The following USP45 variants were observed in gnomAD, a reference collection of about 807,000 sequenced individuals.
USP45 encodes the protein ubiquitin specific peptidase 45.
In USP45, 89 loss-of-function variants were observed where a neutral mutation model predicts 95.8. The ratio of observed to expected loss-of-function variants is 0.93; its 90% CI spans 0.78 to 1.11. The LOEUF is 1.11. USP45 is among the 50% of genes least tolerant of loss of function. The pLI is 0.00. For missense variants in USP45, 898 were observed against 942.5 expected (o/e 0.95, Z 0.62); for synonymous variants, 281 against 316.2 (o/e 0.89, Z 1.18).
intron 1 of USP45, among the ~76,000 whole-genome samples, chr6:99,510,606 C>G (rs1295642538): frequency 6.6e-6 from 1 of 152,102 alleles, no homozygotes; most frequent in Non-Finnish European, 1.5e-5. Flanking sequence ...GGCTAGAAAG[C>G]TACCTTTGTA....
At position 99,446,367 on chromosome 6, in the gene USP45, A is replaced by T. The variant is rs1782559142; in HGVS notation, c.1405T>A (p.Ser469Thr). Residue 469 changes from serine (S) to threonine (T), a missense_variant, in exon 14 of 18, where the codon TCT becomes ACT. By Grantham distance (58) the Ser-to-Thr change is moderately conservative. Coordinates refer to ENST00000500704, the MANE Select transcript of USP45 (RefSeq NM_001346022.3). ...KNENLEMNGD[S>T]LMFASLMNSE... ...TTCATGAGGCTGGCAAACATTAAAG[A>T]ATCCCCATTCATTTCAAGGTTTTCA... The T allele has an allele frequency of 6.2e-7, 1 of 1,614,102 alleles. No homozygotes were observed. The highest frequency in any genetic ancestry group is 1.1e-5 in the South Asian group (1 of 91,082).
chr6:99,484,749 C>A lies in USP45; in HGVS notation c.715-1866G>T, dbSNP rs535950457. Among the ~76,000 whole-genome samples the A allele has an allele frequency of 2.2e-4, 34 of 151,332 alleles. No homozygotes were observed. In the East Asian group the frequency reaches 2.7e-3, roughly 12 times the overall value. On this transcript the variant is annotated intron_variant, in intron 7 of 17. Transcript: ENST00000500704. The stretch of plus-strand genomic sequence containing the variant: ...CAGGCTGCAATGAGCCATGATGGCA[C>A]CACTGCACCCCAGTGTGAGTGACAG...
chr6:99,493,112 C>A (rs781325555), intron 5 of USP45, among the ~76,000 whole-genome samples: 1 of 151,898 alleles, frequency 6.6e-6, no homozygotes, highest in Non-Finnish European at 1.5e-5. Context: ...CTGCAACCTC[C>A]GCTCCCTGGG....
chr6:99,448,218 A>C (rs1025599363), intron 13 of USP45, among the ~76,000 whole-genome samples: 1 of 152,242 alleles, frequency 6.6e-6, no homozygotes, highest in Non-Finnish European at 1.5e-5. Context: ...TGAGAGAAGA[A>C]GGCTTCAGAT....
At chr6:99,442,453 C>T (rs188753045) in intron 15 of USP45, among the ~76,000 whole-genome samples, 5 of 152,276 alleles carry the variant, frequency 3.3e-5, no homozygotes, top group Non-Finnish European at 4.4e-5. Context: ...TGGATCCCAC[C>T]TAAAATGTTG....
Position 99,456,813 on chromosome 6 carries a change from T to C in USP45, c.1308+7791A>G, listed in dbSNP as rs549359434. On this transcript the variant is annotated intron_variant, in intron 13 of 17. Coordinates refer to ENST00000500704, the MANE Select transcript of USP45 (RefSeq NM_001346022.3). ...AGAATAACAGCAATTGTTCAGGGAA[T>C]AGGAGAGATAACCTTAAACTCTGAC... Among the ~76,000 whole-genome samples the C allele has an allele frequency of 1.6e-4, 22 of 136,310 alleles. 1 individual carries two copies. In the South Asian group the frequency reaches 4.6e-3, roughly 28 times the overall value. The allele number at this position is 136,310 out of a possible 152,430, so 89.4% of individuals were successfully genotyped here.
At chr6:99,496,423 G>A (rs1583388003) in intron 5 of USP45, among the ~76,000 whole-genome samples, 1 of 151,580 alleles carries the variant, frequency 6.6e-6, no homozygotes, top group Admixed American at 6.6e-5. Context: ...AAAAGATACA[G>A]CAAACTCATA....
At chr6:99,439,005 A>G (rs956469646) in intron 16 of USP45, among the ~76,000 whole-genome samples, 3 of 152,366 alleles carry the variant, frequency 2.0e-5, no homozygotes, top group Admixed American at 1.3e-4. Flanking sequence ...AATACTGAGT[A>G]TTAACAATTG....
chr6:99,494,860 C>T (rs1219318620), intron 5 of USP45, among the ~76,000 whole-genome samples: 2 of 152,138 alleles, frequency 1.3e-5, no homozygotes, highest in Non-Finnish European at 2.9e-5. Context: ...TGCCACTGCA[C>T]TCCAGACTAG....
chr6:99,459,575 C>T (rs971919983), intron 13 of USP45, among the ~76,000 whole-genome samples: 5 of 152,140 alleles, frequency 3.3e-5, no homozygotes, highest in South Asian at 4.1e-4. Flanking sequence ...CTTTCTGCAA[C>T]GGTTGAACTA....
chr6:99,462,313 T>C, intron 13 of USP45: 1 of 985,200 alleles, frequency 1.0e-6, no homozygotes, highest in South Asian at 4.7e-5. Context: ...TATATGCATA[T>C]TCTCAGTTCC....
chr6:99,469,295 A>T (rs1788716545), intron 9 of USP45, among the ~76,000 whole-genome samples: 1 of 151,802 alleles, frequency 6.6e-6, no homozygotes, highest in Admixed American at 6.6e-5. Context: ...CTCACAGAAA[A>T]GTTTCAGAAT....
At chr6:99,503,911 A>C in intron 4 of USP45, 46 bp from the exon 5 acceptor site, 6 of 1,346,074 alleles carry the variant, frequency 4.5e-6, no homozygotes, top group Non-Finnish European at 6.1e-6. Context: ...AATATTCTCA[A>C]TAATTTTGCA....
chr6:99,464,080 G>C (rs1787264941), intron 13 of USP45, among the ~76,000 whole-genome samples: 1 of 151,972 alleles, frequency 6.6e-6, no homozygotes, highest in South Asian at 2.1e-4. Context: ...GCCGAGGCGG[G>C]CAGATCACCT....
At chr6:99,436,184 T>C (rs1780447815) in intron 17 of USP45, among the ~76,000 whole-genome samples, 1 of 151,766 alleles carries the variant, frequency 6.6e-6, no homozygotes, top group South Asian at 2.1e-4. Flanking sequence ...CAGTGTGTGA[T>C]GTTCCCCTCC....
In USP45 at chr6:99,437,279, A is replaced by T. The variant is rs1413891699; in HGVS notation, c.2281T>A (p.Ser761Thr). ...VKVRTPSRKL[S>T]EHNTKKKNVP... is the part of the protein sequence containing the mutation. ...TTTTTCTTTTTAGTGTTATGTTCCG[A>T]TAATTTCCTGGAGGGTGTTCTCACT... The change falls in exon 17 of 18, where the codon TCG becomes ACG. Residue 761 changes from serine to threonine, a missense_variant. Physicochemically the swap from Ser to Thr is moderately conservative, Grantham distance 58. Coordinates refer to ENST00000500704, the MANE Select transcript of USP45 (RefSeq NM_001346022.3). The T allele has an allele frequency of 7.4e-6, 12 of 1,611,258 alleles. No individual in the cohort carries two copies. Among genetic ancestry groups the T allele is most frequent in the Admixed American group, 1.7e-5 (1 of 59,258 alleles).
chr6:99,508,865 A>C, intron 2 of USP45, 83 bp from the exon 3 acceptor site: 1 of 1,242,012 alleles, frequency 8.1e-7, no homozygotes, highest in Non-Finnish European at 1.1e-6. Flanking sequence ...AAAAGTATTA[A>C]ATGCTGTTAA....
chr6:99,451,379 A>T (rs188422447), intron 13 of USP45, among the ~76,000 whole-genome samples: 54 of 152,330 alleles, frequency 3.5e-4, no homozygotes, highest in African/African-American at 1.2e-3. Context: ...AAGCATTCTT[A>T]TACACCAATA....
chr6:99,485,600 C>T (rs1038282264), intron 7 of USP45, among the ~76,000 whole-genome samples: 3 of 152,084 alleles, frequency 2.0e-5, no homozygotes, highest in African/African-American at 7.2e-5. Flanking sequence ...AAGGGGCCTT[C>T]CAGATGCTGG....
Sources: allele counts gnomAD v4.1 joint callset (sites outside exome capture counted in the v4.1 genomes callset), GRCh38; gene constraint gnomAD v4.1.1; transcripts MANE v1.5; gene names NCBI Gene and HGNC (gene_info 2026-07-23, HGNC 2026-07-21).